Variants in TRPM7 observed in about 807,000 individuals in gnomAD.
TRPM7 encodes the protein LTRPC ion channel family member 7.
In TRPM7, 134 loss-of-function variants were observed where a neutral mutation model predicts 229.7. The observed-to-expected ratio is 0.58, with a 90% CI of 0.51 to 0.67. TRPM7 has a LOEUF of 0.67. Among genes scored for constraint, TRPM7 ranks in the 30% least tolerant of loss-of-function variants. The pLI is 0.00. For missense variants in TRPM7, 1,901 were observed against 2,210.0 expected (o/e 0.86, Z 2.80); for synonymous variants, 699 against 715.2 (o/e 0.98, Z 0.36).
chr15:50,658,478 G>A (rs572173418), intron 2 of TRPM7, among the ~76,000 whole-genome samples: 29 of 151,884 alleles, frequency 1.9e-4, no homozygotes, highest in Non-Finnish European at 3.5e-4. Flanking sequence ...GCTGAGGTGG[G>A]AGGATTCCTT....
At position 50,681,394 on chromosome 15, in the gene TRPM7, C is replaced by A. The variant is rs183869690; in HGVS notation, c.3+5137G>T. Among the ~76,000 whole-genome samples, 99 of 152,242 alleles carry A rather than the reference C, an allele frequency of 6.5e-4. No homozygotes were observed. In the Middle Eastern group the frequency reaches 0.014, roughly 21 times the overall value. On this transcript the variant is annotated intron_variant, in intron 1 of 38. Coordinates refer to ENST00000646667, the MANE Select transcript of TRPM7 (RefSeq NM_017672.6). ...CACTTCTCTTAGTCCAGAGTATCTT[C>A]CGGGTACTGGGTATGATAAATTAGA... is the stretch of plus-strand genomic sequence containing the variant.
rs762531286 is a variant in TRPM7 at position 50,612,751 on chromosome 15, G to A, written c.1849C>T (p.Arg617Cys). The A allele has an allele frequency of 7.4e-6, 12 of 1,613,960 alleles. No homozygotes were observed. The highest frequency in any genetic ancestry group is 1.7e-5 in the Admixed American group (1 of 59,994). ...IVDIDDPETK[R>C]FPYPLNELLI... is the part of the protein sequence containing the mutation. ...AGTTCATTAAGTGGATAAGGAAAGCGCTTGGTTTCTGGATCATCAATGTCT... is the reference window on the plus strand; with the variant it reads ...AGTTCATTAAGTGGATAAGGAAAGCACTTGGTTTCTGGATCATCAATGTCT... Residue 617 changes from arginine (R) to cysteine (C), a missense_variant, in exon 16 of 39, where the codon CGC (arginine) becomes TGC (cysteine). Arg to Cys is a radical substitution (Grantham distance 180). Coordinates refer to ENST00000646667, the MANE Select transcript of TRPM7 (RefSeq NM_017672.6).
At position 50,609,516 on chromosome 15, in the gene TRPM7, C is replaced by T. The variant is rs986182283; in HGVS notation, c.2580+65G>A. On this transcript the variant is annotated intron_variant, in intron 19 of 38. Coordinates refer to ENST00000646667, the MANE Select transcript of TRPM7 (RefSeq NM_017672.6). ...GTTATATCAACATTAGTATGGATTCCGAACCAATGGTCCCCCAAAGCCTAA... is the reference window on the plus strand; with the variant it reads ...GTTATATCAACATTAGTATGGATTCTGAACCAATGGTCCCCCAAAGCCTAA... The T allele has an allele frequency of 6.1e-5, 90 of 1,464,464 alleles. No homozygotes were observed. In the Admixed American group the frequency reaches 1.3e-3, roughly 22 times the overall value. The allele number at this position is 1,464,464 out of a possible 1,614,324, so 90.7% of individuals were successfully genotyped here.
chr15:50,584,603 G>A (rs1367695711), intron 28 of TRPM7, among the ~76,000 whole-genome samples: 198 of 146,556 alleles, frequency 1.4e-3, no homozygotes, highest in African/African-American at 4.9e-3. Context: ...GATCAGAAGT[G>A]TTTCAGATTT....
chr15:50,660,176 A>G (rs189410248), intron 2 of TRPM7, among the ~76,000 whole-genome samples: 3 of 152,312 alleles, frequency 2.0e-5, no homozygotes, highest in African/African-American at 7.2e-5. Flanking sequence ...AGTAGTAAGA[A>G]ATCAGAATAA....
intron 1 of TRPM7, among the ~76,000 whole-genome samples, chr15:50,665,259 T>C (rs2061850957): frequency 6.6e-6 from 1 of 151,922 alleles, no homozygotes; most frequent in Non-Finnish European, 1.5e-5. Context: ...AAGTCGTGTG[T>C]GGTGGCACAC....
At chr15:50,677,493 C>A (rs1399676287) in intron 1 of TRPM7, among the ~76,000 whole-genome samples, 4 of 152,070 alleles carry the variant, frequency 2.6e-5, no homozygotes, top group African/African-American at 7.2e-5. Flanking sequence ...ATAATCCCAG[C>A]ACTTTGGGAG....
At position 50,599,225 on chromosome 15, in the gene TRPM7, T is replaced by G. The variant is rs756519239; in HGVS notation, c.3060A>C (p.Ala1020=). ...ATGGTGCTTCATGAGGATAAAGTAT[T>G]GCCTTTCTGGGAACACCAAAACTAA... ...VLLSFGVPRK[A]ILYPHEAPSW... Residue 1020 remains alanine, a synonymous_variant, in exon 22 of 39, where the codon GCA becomes GCC. Transcript: ENST00000646667. 3 of 1,613,234 alleles carry G rather than the reference T, an allele frequency of 1.9e-6. No individual in the cohort carries two copies. The highest frequency in any genetic ancestry group is 1.7e-4 in the Middle Eastern group (1 of 6,056).
Position 50,609,893 on chromosome 15 carries a change from G to A in TRPM7, c.2349C>T (p.Ser783=). Residue 783 remains serine (S), a synonymous_variant, in exon 18 of 39, where the codon TCC becomes TCT. Coordinates refer to ENST00000646667, the MANE Select transcript of TRPM7 (RefSeq NM_017672.6). ...GAGCATCTTGAGATTGTGGGATATG[G>A]GACATTTCAGCCTTAGTTTTATACT... ...LLEYKTKAEM[S]HIPQSQDAHQ... is the part of the protein sequence containing the mutation. The A allele has an allele frequency of 1.2e-6, 2 of 1,612,880 alleles. No homozygotes were observed. The highest frequency in any genetic ancestry group is 2.2e-5 in the South Asian group (2 of 90,924).
chr15:50,568,974 C>A (rs2053744306), intron 38 of TRPM7, among the ~76,000 whole-genome samples: 1 of 152,086 alleles, frequency 6.6e-6, no homozygotes, highest in Non-Finnish European at 1.5e-5. Flanking sequence ...CAGAGTGAGA[C>A]CCTGTCTCAA....
At position 50,617,457 on chromosome 15, in the gene TRPM7, C is replaced by T. The variant is rs568639935; in HGVS notation, c.1494+2288G>A. ...GGCAGAGGTTGCAGTGAGCCGAGATCGTGCCACCACACTCCAGCCTGGGCA... is the reference window on the plus strand; with the variant it reads ...GGCAGAGGTTGCAGTGAGCCGAGATTGTGCCACCACACTCCAGCCTGGGCA... On this transcript the variant is annotated intron_variant, in intron 13 of 38. Coordinates refer to ENST00000646667, the MANE Select transcript of TRPM7 (RefSeq NM_017672.6). 1.8e-4 allele frequency among the ~76,000 whole-genome samples: 28 copies of T among 151,592 alleles called. No homozygotes were observed. The East Asian group carries it at 2.1e-3, about 12-fold the overall frequency.
At chr15:50,684,222 C>A (rs532807093) in intron 1 of TRPM7, among the ~76,000 whole-genome samples, 2 of 151,498 alleles carry the variant, frequency 1.3e-5, no homozygotes, top group African/African-American at 4.9e-5. Context: ...GCAGGATCTC[C>A]GCTTACTGCA....
At chr15:50,573,077 T>A (rs1566939891) in intron 36 of TRPM7, among the ~76,000 whole-genome samples, 2 of 152,186 alleles carry the variant, frequency 1.3e-5, no homozygotes, top group Non-Finnish European at 2.9e-5. Flanking sequence ...TTCATATATA[T>A]GAAAGTCTTT....
At chr15:50,626,851 A>G (rs1209854795) in intron 11 of TRPM7, among the ~76,000 whole-genome samples, 1 of 152,122 alleles carries the variant, frequency 6.6e-6, no homozygotes, top group Non-Finnish European at 1.5e-5. Context: ...ACTTTCCTTC[A>G]GCCCCCATCT....
intron 21 of TRPM7, among the ~76,000 whole-genome samples, chr15:50,602,883 GAGA>G (rs1382698384): frequency 6.6e-6 from 1 of 152,158 alleles, no homozygotes; most frequent in African/African-American, 2.4e-5. Flanking sequence ...GGTGGTTCTA[GAGA>G]AGATCACAAA....
chr15:50,625,201 AG>A (rs2140590222), intron 11 of TRPM7, among the ~76,000 whole-genome samples: 1 of 152,206 alleles, frequency 6.6e-6, no homozygotes, highest in East Asian at 1.9e-4. Context: ...GTGTATTTTA[AG>A]TATTTTAGTA....
At chr15:50,611,584 C>T (rs2060063517) in intron 16 of TRPM7, among the ~76,000 whole-genome samples, 1 of 152,138 alleles carries the variant, frequency 6.6e-6, no homozygotes, top group East Asian at 1.9e-4. Flanking sequence ...AAACTATAAT[C>T]TCAAAGGGAA....
chr15:50,571,916 AAAG>A (rs2053910004), intron 36 of TRPM7, among the ~76,000 whole-genome samples: 1 of 152,238 alleles, frequency 6.6e-6, no homozygotes, highest in Admixed American at 6.5e-5. Context: ...TCCAATTTTG[AAAG>A]AAGTTCCACT....
At chr15:50,589,344 G>C (rs1266603448) in intron 27 of TRPM7, among the ~76,000 whole-genome samples, 1 of 146,062 alleles carries the variant, frequency 6.8e-6, no homozygotes, top group East Asian at 2.0e-4. Context: ...AAAAAAAAGA[G>C]AGAAATGTTA....
Sources: gnomAD v4.1 joint callset for allele counts (sites outside exome capture counted in the v4.1 genomes callset) on GRCh38, gnomAD v4.1.1 for gene constraint, MANE v1.5 for transcripts, NCBI Gene and HGNC (gene_info 2026-07-23, HGNC 2026-07-21) for gene names.